NR1H4: variants seen among roughly 807,000 people sequenced by gnomAD.
NR1H4 encodes the protein nuclear receptor subfamily 1 group H member 4.
NR1H4 carries 23 observed loss-of-function variants against 58.5 expected under a neutral mutation model. That is an observed-to-expected ratio of 0.39 (90% CI 0.28 to 0.56). The LOEUF (loss-of-function observed/expected upper bound fraction) is 0.56, where lower values mean the gene tolerates loss of function less well. NR1H4 is among the 20% of genes least tolerant of loss of function. The pLI, the probability that NR1H4 is intolerant of heterozygous loss-of-function variation, is 0.58. For synonymous variants in NR1H4, 214 were observed against 198.0 expected (o/e 1.08, Z -0.68); for missense variants, 487 against 576.9 (o/e 0.84, Z 1.60).
At chr12:100,558,337 G>C (rs1288535953) in intron 9 of NR1H4, among the ~76,000 whole-genome samples, 2 of 114,680 alleles carry the variant, frequency 1.7e-5, no homozygotes, top group African/African-American at 6.7e-5. Context: ...CAACAAGAGT[G>C]AGATTCCATC....
At chr12:100,506,570 A>G (rs553973082) in intron 3 of NR1H4, among the ~76,000 whole-genome samples, 1 of 152,168 alleles carries the variant, frequency 6.6e-6, no homozygotes, top group Non-Finnish European at 1.5e-5. Context: ...CAATGACATG[A>G]TCTTGGCTCA....
rs768470688 is a variant in NR1H4 at position 100,493,337 on chromosome 12, T to G, written c.14T>G (p.Met5Arg). 1 of 1,566,890 alleles carries G rather than the reference T, an allele frequency of 6.4e-7. No homozygotes were observed. The highest frequency in any genetic ancestry group is 1.1e-5 in the South Asian group (1 of 88,228). ...TGAAAAATTTGGATGGGATCAAAAA[T>G]GAATCTCATTGAACATTCCCATTTA... The part of the protein sequence containing the change: MGSK[M>R]NLIEHSHLPT... The change falls in exon 3 of 11, where the codon ATG becomes AGG. Residue 5 changes from methionine to arginine, a missense_variant. Coordinates refer to ENST00000392986, the MANE Select transcript of NR1H4 (RefSeq NM_001206979.2).
At chr12:100,537,128 G>A (rs141337277) in intron 8 of NR1H4, 81 bp downstream of exon 8, 123 of 892,428 alleles carry the variant, frequency 1.4e-4, no homozygotes, top group African/African-American at 1.2e-3. Context: ...TTTTACATAC[G>A]GTGTTTTAAT....
intron 1 of NR1H4, among the ~76,000 whole-genome samples, chr12:100,480,192 C>A (rs554279386): frequency 6.6e-6 from 1 of 152,264 alleles, no homozygotes; most frequent in South Asian, 2.1e-4. Flanking sequence ...CTGTGCTTAG[C>A]TCTGTTGTAG....
At chr12:100,527,820 A>T (rs1449425966) in intron 4 of NR1H4, among the ~76,000 whole-genome samples, 1 of 152,214 alleles carries the variant, frequency 6.6e-6, no homozygotes, top group East Asian at 1.9e-4. Context: ...TACAAAGGAC[A>T]TGAACTCATC....
At chr12:100,491,668 G>T (rs1241180239) in intron 1 of NR1H4, among the ~76,000 whole-genome samples, 1 of 151,696 alleles carries the variant, frequency 6.6e-6, no homozygotes, top group Non-Finnish European at 1.5e-5. Flanking sequence ...AGTAGAGTTT[G>T]GCAGTAGGGC....
At chr12:100,534,867 G>C in intron 5 of NR1H4, 23 bp from the exon 6 acceptor site, 1 of 1,614,028 alleles carries the variant, frequency 6.2e-7, no homozygotes, top group Non-Finnish European at 8.5e-7. Flanking sequence ...GATTGGTGAA[G>C]TCTCTATGCT....
At chr12:100,510,704 C>G in intron 3 of NR1H4, 74 bp from the exon 4 acceptor site, 1 of 1,550,716 alleles carries the variant, frequency 6.4e-7, no homozygotes, top group Non-Finnish European at 8.9e-7. Flanking sequence ...ACACTCCTAA[C>G]CATTACGCCA....
chr12:100,497,204 C>T (rs558619314), intron 3 of NR1H4, among the ~76,000 whole-genome samples: 2 of 152,198 alleles, frequency 1.3e-5, no homozygotes, highest in African/African-American at 2.4e-5. Flanking sequence ...CCTCGGCTCC[C>T]GTTGGTTGAG....
chr12:100,534,371 A>G (rs1237450815), intron 5 of NR1H4, among the ~76,000 whole-genome samples: 2 of 152,208 alleles, frequency 1.3e-5, no homozygotes, highest in African/African-American at 2.4e-5. Flanking sequence ...GTTTTTCTCA[A>G]TAAGTTTATA....
intron 8 of NR1H4, among the ~76,000 whole-genome samples, chr12:100,539,749 TGGC>T (rs2136249811): frequency 6.6e-6 from 1 of 152,166 alleles, no homozygotes; most frequent in African/African-American, 2.4e-5. Context: ...CCAGTAGAGG[TGGC>T]AGACAATTAA....
At chr12:100,503,428 T>C in intron 3 of NR1H4, 1 of 1,597,760 alleles carries the variant, frequency 6.3e-7, no homozygotes, top group Admixed American at 1.7e-5. Context: ...CCAATTCAAA[T>C]TAGTCCTCAC....
intron 3 of NR1H4, among the ~76,000 whole-genome samples, chr12:100,508,620 T>A (rs1206150274): frequency 1.3e-5 from 2 of 152,156 alleles, no homozygotes; most frequent in Admixed American, 1.3e-4. Context: ...TGGGGGTTAA[T>A]AATGTTACCC....
rs183385011 is a variant in NR1H4 at position 100,544,037 on chromosome 12, G to T, written c.1078+3219G>T. On this transcript the variant is annotated intron_variant, in intron 9 of 10. Coordinates refer to ENST00000392986, the MANE Select transcript of NR1H4 (RefSeq NM_001206979.2). ...GGAGGCCAAGGCGGGTGGATTACAA[G>T]GTCAGGAGATCGAGACCATCCTGGC... 2.6e-3 allele frequency among the ~76,000 whole-genome samples: 392 copies of T among 152,168 alleles called. 2 individuals carry two copies. The highest frequency in any genetic ancestry group is 9.1e-3 in the African/African-American group (378 of 41,542).
rs1566464880 is a variant in NR1H4, at chr12:100,536,510, A to G, written c.733-2A>G. On this transcript the variant is annotated splice_acceptor_variant, in intron 6 of 10. Coordinates refer to ENST00000392986, the MANE Select transcript of NR1H4 (RefSeq NM_001206979.2). LOFTEE classifies it high-confidence loss of function. ...ACACCTTTTATTTTCTTGCCAGTGTAGGAGAAAACTGAACTCACCCCAGAT... is the reference window on the plus strand; with the variant it reads ...ACACCTTTTATTTTCTTGCCAGTGTGGGAGAAAACTGAACTCACCCCAGAT... 1 of 1,579,704 alleles carries G rather than the reference A, an allele frequency of 6.3e-7. No homozygotes were observed. Among genetic ancestry groups the G allele is most frequent in the Non-Finnish European group, 8.7e-7 (1 of 1,148,990 alleles).
intron 4 of NR1H4, among the ~76,000 whole-genome samples, chr12:100,530,083 CT>C (rs1954655530): frequency 6.6e-6 from 1 of 152,164 alleles, no homozygotes. Context: ...GTATGCAACT[CT>C]GAAGACAAGG....
intron 9 of NR1H4, among the ~76,000 whole-genome samples, chr12:100,546,087 A>G (rs760481760): frequency 6.6e-6 from 1 of 152,114 alleles, no homozygotes; most frequent in Non-Finnish European, 1.5e-5. Context: ...TTGAGACAAG[A>G]CTGGTGAAAG....
chr12:100,498,798 A>C (rs7953361), intron 3 of NR1H4, among the ~76,000 whole-genome samples: 6,601 of 152,204 alleles, frequency 0.043, 487 homozygotes, highest in African/African-American at 0.15. Context: ...ATTCTGATTG[A>C]GGCCTAGCAA....
intron 1 of NR1H4, among the ~76,000 whole-genome samples, chr12:100,490,433 A>G (rs1310666254): frequency 1.3e-5 from 2 of 152,160 alleles, no homozygotes; most frequent in African/African-American, 4.8e-5. Context: ...TAAAGACCAG[A>G]GGAAATGGGC....
Sources: allele counts gnomAD v4.1 joint callset (sites outside exome capture counted in the v4.1 genomes callset), GRCh38; gene constraint gnomAD v4.1.1; transcripts MANE v1.5; gene names NCBI Gene and HGNC (gene_info 2026-07-23, HGNC 2026-07-21).